TDRD7: variants seen among roughly 807,000 people sequenced by gnomAD.
TDRD7 encodes tudor domain containing 7.
In TDRD7, 47 loss-of-function variants were observed where a neutral mutation model predicts 109.8. The observed-to-expected ratio is 0.43, with a 90% CI of 0.34 to 0.55. The LOEUF (loss-of-function observed/expected upper bound fraction) is 0.55, where lower values mean the gene tolerates loss of function less well. TDRD7 is among the 20% of genes least tolerant of loss of function. The pLI is 0.03. For synonymous variants in TDRD7, 424 were observed against 457.3 expected (o/e 0.93, Z 0.93); for missense variants, 1,164 against 1,319.2 (o/e 0.88, Z 1.82).
At chr9:97,433,462 G>T (rs1193267012) in intron 4 of TDRD7, among the ~76,000 whole-genome samples, 1 of 151,924 alleles carries the variant, frequency 6.6e-6, no homozygotes, top group African/African-American at 2.4e-5. Context: ...CATTTTGAAT[G>T]ATTTTTTTGG....
chr9:97,430,588 A>G (rs1171753391), intron 2 of TDRD7, among the ~76,000 whole-genome samples: 1 of 152,158 alleles, frequency 6.6e-6, no homozygotes, highest in African/African-American at 2.4e-5. Flanking sequence ...TGTGAATGAA[A>G]TGTACCTCAC....
intron 1 of TDRD7, among the ~76,000 whole-genome samples, chr9:97,417,507 T>C (rs1453213717): frequency 6.6e-6 from 1 of 152,020 alleles, no homozygotes; most frequent in Non-Finnish European, 1.5e-5. Context: ...GCCATGGAAG[T>C]GGTGAAGAGT....
At chr9:97,472,248 G>T in intron 9 of TDRD7, 45 bp from the exon 10 acceptor site, 1 of 1,539,022 alleles carries the variant, frequency 6.5e-7, no homozygotes, top group African/African-American at 1.4e-5. Flanking sequence ...ATCTTGAAAT[G>T]ATTTTTCTAA....
chr9:97,452,461 A>G (rs1004003858), intron 6 of TDRD7, among the ~76,000 whole-genome samples: 1 of 152,226 alleles, frequency 6.6e-6, no homozygotes, highest in African/African-American at 2.4e-5. Flanking sequence ...GCACATAACT[A>G]ACTGTTTTGA....
Position 97,495,795 on chromosome 9 carries a change from A to G in TDRD7, c.3209A>G (p.Tyr1070Cys), listed in dbSNP as rs768152100. The G allele has an allele frequency of 6.2e-7, 1 of 1,614,208 alleles. No individual in the cohort carries two copies. The change falls in exon 17 of 17, where the codon TAC becomes TGC. Residue 1070 changes from tyrosine (Y) to cysteine (C), a missense_variant. Tyr to Cys is a radical substitution (Grantham distance 194). Transcript: ENST00000355295. Reference sequence around the variant, plus strand: ...CCTTGGGACCGGAAAGTAGTGGTCTACTTAGTGGACACATCGTTGCCAGAC... The same window carrying G: ...CCTTGGGACCGGAAAGTAGTGGTCTGCTTAGTGGACACATCGTTGCCAGAC... Reference protein sequence around the residue: ...ANPWDRKVVVYLVDTSLPDTD... With the variant: ...ANPWDRKVVVCLVDTSLPDTD...
At position 97,441,803 on chromosome 9, in the gene TDRD7, C is replaced by T; in HGVS notation, c.783C>T (p.Tyr261=). Residue 261 remains tyrosine (Y), a synonymous_variant, in exon 6 of 17, where the codon TAC becomes TAT. Transcript: ENST00000355295. The part of the protein sequence containing the change: ...GIWISKLPHF[Y]KELYKEDLNQ... ...GGATATCTAAGCTTCCACATTTTTA[C>T]AAAGAGTTATATAAAGAAGACCTTA... 6.2e-7 allele frequency: 1 copy of T among 1,613,720 alleles called. No homozygotes were observed. Among genetic ancestry groups the T allele is most frequent in the Non-Finnish European group, 8.5e-7 (1 of 1,179,820 alleles).
chr9:97,469,099 G>A lies in TDRD7; in HGVS notation c.1630-1459G>A, dbSNP rs146773534. On this transcript the variant is annotated intron_variant, in intron 8 of 16. Coordinates refer to ENST00000355295, the MANE Select transcript of TDRD7 (RefSeq NM_014290.3). ...AGAATACATTCTGAATTTCCCAGGA[G>A]TCATGATTTCACATGCTATGTCCTA... 9.2e-5 allele frequency among the ~76,000 whole-genome samples: 14 copies of A among 152,294 alleles called. 2 individuals are homozygous for A. The highest frequency in any genetic ancestry group is 3.4e-4 in the African/African-American group (14 of 41,578).
intron 8 of TDRD7, among the ~76,000 whole-genome samples, chr9:97,466,506 G>A (rs190134404): frequency 3.0e-4 from 45 of 152,320 alleles, no homozygotes; most frequent in Middle Eastern, 3.4e-3. Flanking sequence ...GTGTGTTGCA[G>A]TATTATTATT....
At chr9:97,446,294 C>T (rs912124742) in intron 6 of TDRD7, among the ~76,000 whole-genome samples, 8 of 152,140 alleles carry the variant, frequency 5.3e-5, no homozygotes, top group African/African-American at 9.7e-5. Flanking sequence ...CATTGGTGGG[C>T]AGAACTAGAT....
At chr9:97,485,997 T>G (rs953572766) in intron 15 of TDRD7, among the ~76,000 whole-genome samples, 7 of 152,210 alleles carry the variant, frequency 4.6e-5, no homozygotes, top group African/African-American at 9.6e-5. Context: ...CCTTTTTGTT[T>G]CGGGGTTTCT....
intron 1 of TDRD7, among the ~76,000 whole-genome samples, chr9:97,424,880 T>G (rs1364510244): frequency 1.3e-5 from 2 of 152,128 alleles, no homozygotes; most frequent in Non-Finnish European, 2.9e-5. Context: ...CTAATTTTTT[T>G]TAACTTCTGC....
At chr9:97,493,425 G>GC (rs879431295) in intron 16 of TDRD7, among the ~76,000 whole-genome samples, 49 of 152,256 alleles carry the variant, frequency 3.2e-4, no homozygotes, top group Admixed American at 3.1e-3. Flanking sequence ...AGGGGAGAGA[G>GC]TGTACAAATA....
chr9:97,439,379 G>A (rs1828258381), intron 5 of TDRD7, 61 bp downstream of exon 5: 15 of 1,411,612 alleles, frequency 1.1e-5, no homozygotes, highest in Non-Finnish European at 1.4e-5. Context: ...AACATATCTG[G>A]TGGTGGCTTT....
Position 97,483,233 on chromosome 9 carries a change from C to T in TDRD7, c.2797C>T (p.Gln933Ter). 6.2e-7 allele frequency: 1 copy of T among 1,613,446 alleles called. No homozygotes were observed. Among genetic ancestry groups the T allele is most frequent in the Non-Finnish European group, 8.5e-7 (1 of 1,179,568 alleles). Residue 933 changes from glutamine (Q) to a stop codon, truncating the protein, a stop_gained, in exon 15 of 17, where the codon CAG becomes TAG. Coordinates refer to ENST00000355295, the MANE Select transcript of TDRD7 (RefSeq NM_014290.3). LOFTEE classifies it high-confidence loss of function. ...AGGCTACTTCGTCATCCAGCCTTGGCAGGAGATACATAAGTTGGAAGTTCT... is the reference window on the plus strand; with the variant it reads ...AGGCTACTTCGTCATCCAGCCTTGGTAGGAGATACATAAGTTGGAAGTTCT... Reference protein sequence around the residue: ...HPGYFVIQPWQEIHKLEVLME... With the variant: ...HPGYFVIQPW
At chr9:97,414,949 G>A (rs1386511978) in intron 1 of TDRD7, among the ~76,000 whole-genome samples, 1 of 152,168 alleles carries the variant, frequency 6.6e-6, no homozygotes, top group African/African-American at 2.4e-5. Context: ...TAGCCTAGAC[G>A]ATGCCTAAAA....
chr9:97,482,683 G>A (rs967426960), intron 14 of TDRD7, among the ~76,000 whole-genome samples, 166 bp from the exon 15 acceptor site: 2 of 152,070 alleles, frequency 1.3e-5, no homozygotes, highest in Admixed American at 6.5e-5. Context: ...TGACTTCAGA[G>A]CCCATTCATT....
At chr9:97,442,129 T>C (rs1268000136) in intron 6 of TDRD7, among the ~76,000 whole-genome samples, 4 of 152,222 alleles carry the variant, frequency 2.6e-5, no homozygotes, top group African/African-American at 9.6e-5. Flanking sequence ...ATGCATTTAA[T>C]ATGTGATAAT....
intron 6 of TDRD7, among the ~76,000 whole-genome samples, chr9:97,447,242 G>A (rs548073696): frequency 1.3e-5 from 2 of 152,222 alleles, no homozygotes; most frequent in African/African-American, 2.4e-5. Flanking sequence ...AGGAGTTTGG[G>A]CTTTGAGGTA....
intron 1 of TDRD7, among the ~76,000 whole-genome samples, chr9:97,417,333 G>A (rs1241141092): frequency 6.6e-6 from 1 of 152,130 alleles, no homozygotes; most frequent in Non-Finnish European, 1.5e-5. Context: ...GCATTAGAGG[G>A]TTTTGAGTGA....
Sources: allele counts gnomAD v4.1 joint callset (sites outside exome capture counted in the v4.1 genomes callset), GRCh38; gene constraint gnomAD v4.1.1; transcripts MANE v1.5; gene names NCBI Gene and HGNC (gene_info 2026-07-23, HGNC 2026-07-21).